The following ZNF436 variants were observed in gnomAD, a reference collection of about 807,000 sequenced individuals.
ZNF436 encodes zinc finger protein 436, also known as DNA-binding protein.
ZNF436 carries 22 observed loss-of-function variants against 41.9 expected under a neutral mutation model. The ratio of observed to expected loss-of-function variants is 0.53; its 90% CI spans 0.38 to 0.75. ZNF436 has a LOEUF of 0.75. ZNF436 is among the 30% of genes least tolerant of loss of function. ZNF436 has a pLI of 0.00. For synonymous variants in ZNF436, 217 were observed against 197.8 expected, an observed-to-expected ratio of 1.10 and a Z score of -0.82; for missense variants, 506 against 587.3, an observed-to-expected ratio of 0.86 and a Z score of 1.43.
Position 23,362,196 on chromosome 1 carries a change from AAC to A in ZNF436, c.1184_1185del (p.Cys395LeufsTer6). On this transcript the variant is annotated frameshift_variant, in exon 4 of 4. Coordinates refer to ENST00000314011, the MANE Select transcript of ZNF436 (RefSeq NM_001077195.2). LOFTEE classifies it high-confidence loss of function. ...TCTGACCTTTCACCAAAGCTTCGCC[AAC>A]ACTCATTACACTCATAAGGCTTCTC... ...TGEKPYECNE[C>X]WRSFGERSDL... The A allele has an allele frequency of 6.2e-7, 1 of 1,613,016 alleles. No homozygotes were observed. The highest frequency in any genetic ancestry group is 8.5e-7 in the Non-Finnish European group (1 of 1,179,786).
chr1:23,369,342 C>G (rs1158690298), intron 1 of ZNF436, 24 bp downstream of exon 1: 6 of 531,644 alleles, frequency 1.1e-5, no homozygotes, highest in Non-Finnish European at 2.3e-5. Flanking sequence ...GCCGAAAACC[C>G]GAGTGGGGGA....
rs866523417 is a variant in ZNF436, at chr1:23,363,113, G to C, written c.269C>G (p.Pro90Arg). The C allele has an allele frequency of 1.2e-6, 2 of 1,613,984 alleles. No homozygotes were observed. The highest frequency in any genetic ancestry group is 1.7e-6 in the Non-Finnish European group (2 of 1,180,028). The change falls in exon 4 of 4, where the codon CCT (proline) becomes CGT (arginine). Residue 90 changes from proline (P) to arginine (R), a missense_variant. This residue lies in a region of ZNF436 where 228 missense variants were observed against 215.1 expected (regional missense o/e 1.06). Coordinates refer to ENST00000314011, the MANE Select transcript of ZNF436 (RefSeq NM_001077195.2). ...GCTTTCAAAGCCCTCTTCACTTTCA[G>C]GATTTTCCTCAGCATTCTCAGCAGG... Reference protein sequence around the residue: ...ERPAENAEENPESEEGFESGD... With the variant: ...ERPAENAEENRESEEGFESGD...
chr1:23,363,082 A>T lies in ZNF436; in HGVS notation c.300T>A (p.Asp100Glu). 1 of 1,614,212 alleles carries T rather than the reference A, an allele frequency of 6.2e-7. No individual in the cohort carries two copies. The highest frequency in any genetic ancestry group is 1.3e-5 in the African/African-American group (1 of 75,044). ...PESEEGFESG[D>E]RSERQWGDLT... ...AATCTCCCCATTGTCTTTCTGACCT[A>T]TCTCCGCTTTCAAAGCCCTCTTCAC... Residue 100 changes from aspartate to glutamate, a missense_variant, in exon 4 of 4, where the codon GAT (aspartate) becomes GAA (glutamate). Asp to Glu is a conservative substitution (Grantham distance 45). Coordinates refer to ENST00000314011, the MANE Select transcript of ZNF436 (RefSeq NM_001077195.2).
At position 23,361,372 on chromosome 1, in the gene ZNF436, A is replaced by C. The variant is rs932901473; in HGVS notation, c.*597T>G. 2 of 152,686 alleles carry C rather than the reference A, an allele frequency of 1.3e-5. No homozygotes were observed. Among genetic ancestry groups the C allele is most frequent in the Non-Finnish European group, 2.9e-5 (2 of 68,124 alleles). The allele number at this position is 152,686 out of a possible 1,614,324, so 9.5% of individuals were successfully genotyped here. ...TTCACAAAGATGCAAGCTTTAAAGG[A>C]GCTAATTAGAAACAATGAGAAGGAG... On this transcript the variant is annotated 3_prime_UTR_variant, in exon 4 of 4. Coordinates refer to ENST00000314011, the MANE Select transcript of ZNF436 (RefSeq NM_001077195.2).
rs1174499034 is a variant in ZNF436 at position 23,363,236 on chromosome 1, A to C, written c.161-15T>G. 6 of 1,601,438 alleles carry C rather than the reference A, an allele frequency of 3.7e-6. No individual in the cohort carries two copies. The South Asian group carries it at 5.5e-5, about 15-fold the overall frequency. ...GATCTCAAAATCTGTAATAAAAAGT[A>C]AACAATAAGACTAGTAAGTACAAAA... On this transcript the variant is annotated splice_polypyrimidine_tract_variant and intron_variant, in intron 3 of 3. Coordinates refer to ENST00000314011, the MANE Select transcript of ZNF436 (RefSeq NM_001077195.2).
At chr1:23,366,705 A>G (rs1275308370) in intron 3 of ZNF436, among the ~76,000 whole-genome samples, 1 of 152,236 alleles carries the variant, frequency 6.6e-6, no homozygotes, top group Non-Finnish European at 1.5e-5. Context: ...TTAGCACCCT[A>G]GAGTAAAAGC....
chr1:23,363,273 T>G, intron 3 of ZNF436, 52 bp from the exon 4 acceptor site: 9 of 1,510,748 alleles, frequency 6.0e-6, no homozygotes, highest in African/African-American at 1.4e-5. Context: ...TTACCTATTG[T>G]GTGCCAGGCA....
intron 3 of ZNF436, among the ~76,000 whole-genome samples, chr1:23,366,766 T>A (rs569971637): frequency 1.3e-5 from 2 of 152,222 alleles, no homozygotes; most frequent in African/African-American, 2.4e-5. Context: ...GCCAGACCTG[T>A]TTGGTCAGTG....
In ZNF436 at chr1:23,368,063, G is replaced by A. The variant is rs1224650526; in HGVS notation, c.-58C>T. The A allele has an allele frequency of 3.1e-6, 5 of 1,602,880 alleles. No individual in the cohort carries two copies. Among genetic ancestry groups the A allele is most frequent in the Admixed American group, 1.7e-5 (1 of 59,736 alleles). ...GAGCAGGAAAAGCAGCTAGCAGACA[G>A]CGCTGAAGGAGGCGAAAAGCAGGGC... On this transcript the variant is annotated splice_region_variant and 5_prime_UTR_variant, in exon 2 of 4. Coordinates refer to ENST00000314011, the MANE Select transcript of ZNF436 (RefSeq NM_001077195.2).
intron 3 of ZNF436, among the ~76,000 whole-genome samples, chr1:23,366,018 A>G (rs1239770651): frequency 6.6e-6 from 1 of 151,994 alleles, no homozygotes; most frequent in Non-Finnish European, 1.5e-5. Context: ...TCATCCTTCT[A>G]ACAAGTGCTT....
chr1:23,366,649 G>A (rs1638363749), intron 3 of ZNF436, among the ~76,000 whole-genome samples: 1 of 152,188 alleles, frequency 6.6e-6, no homozygotes, highest in South Asian at 2.1e-4. Context: ...ACACAAAAAG[G>A]TGGCTTTCGC....
chr1:23,363,821 C>T (rs1378024520), intron 3 of ZNF436, among the ~76,000 whole-genome samples: 3 of 152,168 alleles, frequency 2.0e-5, no homozygotes, highest in African/African-American at 7.2e-5. Flanking sequence ...AGGAGGAACA[C>T]TTAAGGCCAG....
rs770664590 is a variant in ZNF436 at position 23,362,300 on chromosome 1, G to A, written c.1082C>T (p.Pro361Leu). 8 of 1,614,106 alleles carry A rather than the reference G, an allele frequency of 5.0e-6. No individual in the cohort carries two copies. The East Asian group carries it at 1.8e-4, about 36-fold the overall frequency. ...TTTCCCACAAGCATTGCATTCATAT[G>A]GCTTCTCTCCAGTGTGAGTTCTCTG... ...QHQRTHTGEKPYECNACGKSF... is the reference protein window; with the variant it reads ...QHQRTHTGEKLYECNACGKSF... Residue 361 changes from proline (P) to leucine (L), a missense_variant, in exon 4 of 4, where the codon CCA (proline) becomes CTA (leucine). Physicochemically the swap from Pro to Leu is moderately conservative, Grantham distance 98. Coordinates refer to ENST00000314011, the MANE Select transcript of ZNF436 (RefSeq NM_001077195.2).
In ZNF436 at chr1:23,362,183, C is replaced by T; in HGVS notation, c.1199G>A (p.Gly400Asp). The T allele has an allele frequency of 6.2e-7, 1 of 1,614,020 alleles. No homozygotes were observed. Among genetic ancestry groups the T allele is most frequent in the South Asian group, 1.1e-5 (1 of 91,080 alleles). Reference sequence around the variant, plus strand: ...ATGTTTAATTAGATCTGACCTTTCACCAAAGCTTCGCCAACACTCATTACA... The same window carrying T: ...ATGTTTAATTAGATCTGACCTTTCATCAAAGCTTCGCCAACACTCATTACA... The part of the protein sequence containing the change: ...YECNECWRSF[G>D]ERSDLIKHQR... The change falls in exon 4 of 4, where the codon GGT (glycine) becomes GAT (aspartate). Residue 400 changes from glycine to aspartate, a missense_variant. Physicochemically the swap from Gly to Asp is moderately conservative, Grantham distance 94. This residue lies in a region of ZNF436 where 278 missense variants were observed against 372.1 expected (regional missense o/e 0.75). Coordinates refer to ENST00000314011, the MANE Select transcript of ZNF436 (RefSeq NM_001077195.2).
chr1:23,368,208 C>G (rs1325396944), intron 1 of ZNF436, 143 bp from the exon 2 acceptor site: 3 of 595,856 alleles, frequency 5.0e-6, no homozygotes, highest in African/African-American at 3.7e-5. Flanking sequence ...CGAGCGCGAC[C>G]CGCCCTCTGC....
intron 2 of ZNF436, 96 bp from the exon 3 acceptor site, chr1:23,367,264 T>C: frequency 7.2e-7 from 1 of 1,387,540 alleles, no homozygotes. Context: ...ATATATTAAA[T>C]GTGACCTATA....
rs1456636694 is a variant in ZNF436 at position 23,360,346 on chromosome 1, C to T, written c.*1623G>A. On this transcript the variant is annotated 3_prime_UTR_variant, in exon 4 of 4. Coordinates refer to ENST00000314011, the MANE Select transcript of ZNF436 (RefSeq NM_001077195.2). ...CATTTTTAAAATGTTACAACATTCACAATAAAGAACAGTAGCAATAAAGCA... is the reference window on the plus strand; with the variant it reads ...CATTTTTAAAATGTTACAACATTCATAATAAAGAACAGTAGCAATAAAGCA... The T allele has an allele frequency of 6.6e-6, 1 of 152,184 alleles. No individual in the cohort carries two copies. Among genetic ancestry groups the T allele is most frequent in the Non-Finnish European group, 1.5e-5 (1 of 68,036 alleles). The allele number at this position is 152,184 out of a possible 1,614,324, so 9.4% of individuals were successfully genotyped here.
chr1:23,366,988 T>C, intron 3 of ZNF436, 54 bp downstream of exon 3: 1 of 1,582,272 alleles, frequency 6.3e-7, no homozygotes, highest in African/African-American at 1.4e-5. Context: ...AACTAAGTCA[T>C]TTTGACACGA....
chr1:23,367,203 T>C (rs1638378604), intron 2 of ZNF436, 35 bp from the exon 3 acceptor site: 1 of 1,548,568 alleles, frequency 6.5e-7, no homozygotes. Flanking sequence ...CTATTCTGTA[T>C]TTAGGACTTC....
Sources: gnomAD v4.1 joint callset for allele counts (sites outside exome capture counted in the v4.1 genomes callset) on GRCh38, gnomAD v4.1.1 for gene constraint, gnomAD v4.1.1 regional missense constraint, MANE v1.5 for transcripts, NCBI Gene and HGNC (gene_info 2026-07-23, HGNC 2026-07-21) for gene names.